The following FSTL5 variants were observed in gnomAD, a reference collection of about 807,000 sequenced individuals.
FSTL5 encodes the protein follistatin-related protein 5.
In FSTL5, 62 loss-of-function variants were observed where a neutral mutation model predicts 89.1. The ratio of observed to expected loss-of-function variants is 0.70; its 90% CI spans 0.57 to 0.86. FSTL5 has a LOEUF of 0.86. Among genes scored for constraint, FSTL5 ranks in the 40% least tolerant of loss-of-function variants. The pLI, the probability that FSTL5 is intolerant of heterozygous loss-of-function variation, is 0.00. For missense variants in FSTL5, 1,057 were observed against 1,001.6 expected (o/e 1.06, Z -0.75); for synonymous variants, 383 against 346.2 (o/e 1.11, Z -1.18).
chr4:161,530,293 A>G (rs1731364218), intron 10 of FSTL5, among the ~76,000 whole-genome samples: 1 of 142,022 alleles, frequency 7.0e-6, no homozygotes, highest in Non-Finnish European at 1.5e-5. Context: ...TTTTCAAGAT[A>G]GTTGGAAACA....
intron 4 of FSTL5, among the ~76,000 whole-genome samples, chr4:161,813,169 G>A (rs1415809048): frequency 6.6e-6 from 1 of 151,994 alleles, no homozygotes; most frequent in Non-Finnish European, 1.5e-5. Context: ...TGGGACTACA[G>A]GCGCGTGCTA....
At chr4:161,394,339 A>C (rs1212426326) in intron 15 of FSTL5, among the ~76,000 whole-genome samples, 1 of 152,140 alleles carries the variant, frequency 6.6e-6, no homozygotes, top group East Asian at 1.9e-4. Context: ...GCAGTGGCAC[A>C]ATCTTGGCTT....
chr4:162,054,034 A>T (rs936417371), intron 2 of FSTL5, among the ~76,000 whole-genome samples: 1 of 151,816 alleles, frequency 6.6e-6, no homozygotes, highest in Non-Finnish European at 1.5e-5. Flanking sequence ...TATAAAATAG[A>T]TGCAAAATTG....
chr4:161,621,408 G>A (rs1238119691), intron 7 of FSTL5, among the ~76,000 whole-genome samples: 2 of 151,868 alleles, frequency 1.3e-5, no homozygotes, highest in Non-Finnish European at 2.9e-5. Flanking sequence ...TATTTAAGCA[G>A]CAGCTAATAC....
intron 7 of FSTL5, among the ~76,000 whole-genome samples, chr4:161,599,292 A>G (rs2126622002): frequency 6.6e-6 from 1 of 152,262 alleles, no homozygotes; most frequent in Admixed American, 6.5e-5. Context: ...TAAAATGCCT[A>G]ATCCCAAGTG....
chr4:161,947,660 C>G (rs892007637), intron 3 of FSTL5, among the ~76,000 whole-genome samples: 1 of 151,884 alleles, frequency 6.6e-6, no homozygotes, highest in Non-Finnish European at 1.5e-5. Context: ...AAATCATTTT[C>G]TTTTATTTCT....
At chr4:161,414,160 A>G (rs1178690621) in intron 15 of FSTL5, among the ~76,000 whole-genome samples, 2 of 152,364 alleles carry the variant, frequency 1.3e-5, no homozygotes, top group East Asian at 1.9e-4. Flanking sequence ...TTAATTTTAA[A>G]TATTAATTAA....
intron 3 of FSTL5, among the ~76,000 whole-genome samples, chr4:162,019,300 T>C (rs1737003297): frequency 6.6e-6 from 1 of 152,064 alleles, no homozygotes; most frequent in Non-Finnish European, 1.5e-5. Flanking sequence ...TACCAACTCA[T>C]TTTTCAATTC....
chr4:161,911,031 T>C (rs374003252), intron 4 of FSTL5, among the ~76,000 whole-genome samples: 10 of 152,152 alleles, frequency 6.6e-5, no homozygotes, highest in African/African-American at 2.4e-4. Context: ...GCCTGTGAAC[T>C]TCAAATCACA....
intron 3 of FSTL5, among the ~76,000 whole-genome samples, chr4:162,006,525 A>T (rs1014311370): frequency 1.3e-5 from 2 of 151,972 alleles, no homozygotes; most frequent in African/African-American, 2.4e-5. Flanking sequence ...TACAGGTAAA[A>T]CAAATTTGTC....
chr4:161,565,396 T>C (rs1230946388), intron 8 of FSTL5, among the ~76,000 whole-genome samples: 2 of 151,942 alleles, frequency 1.3e-5, no homozygotes, highest in Admixed American at 1.3e-4. Context: ...AATAAATATA[T>C]TGAAATAAAT....
chr4:161,932,223 T>C (rs1050505183), intron 3 of FSTL5, among the ~76,000 whole-genome samples: 2 of 152,034 alleles, frequency 1.3e-5, no homozygotes, highest in Non-Finnish European at 2.9e-5. Flanking sequence ...AATAATTAAG[T>C]CCAACATATT....
At chr4:161,690,439 C>T (rs1387021311) in intron 6 of FSTL5, among the ~76,000 whole-genome samples, 2 of 151,946 alleles carry the variant, frequency 1.3e-5, no homozygotes, top group East Asian at 3.9e-4. Context: ...TGCTTGTTGA[C>T]TATTTGCATG....
chr4:161,570,651 G>C (rs1732973041), intron 8 of FSTL5, among the ~76,000 whole-genome samples: 1 of 152,168 alleles, frequency 6.6e-6, no homozygotes. Flanking sequence ...ATAGTTCAGA[G>C]ATCTTTATCA....
intron 2 of FSTL5, among the ~76,000 whole-genome samples, chr4:162,095,277 T>C (rs894980081): frequency 1.7e-4 from 26 of 152,226 alleles, no homozygotes; most frequent in African/African-American, 5.5e-4. Flanking sequence ...CAAATTGTGT[T>C]TCCCAGAATA....
At position 162,026,304 on chromosome 4, in the gene FSTL5, C is replaced by CTTTTTTTTTTTTTTTTTTT. The variant is rs397996028; in HGVS notation, c.160+7320_160+7321insAAAAAAAAAAAAAAAAAAA. On this transcript the variant is annotated intron_variant, in intron 3 of 15. Transcript: ENST00000306100. ...TTTCAGGAGACAGCTTATGTATTTT[C>CTTTTTTTTTTTTTTTTTTT]TTTTTTTTTTTTTTTCTTTTTGAGA... 9.6e-4 allele frequency among the ~76,000 whole-genome samples: 76 copies of CTTTTTTTTTTTTTTTTTTT among 79,480 alleles called. 20 individuals are homozygous for CTTTTTTTTTTTTTTTTTTT. Among genetic ancestry groups the CTTTTTTTTTTTTTTTTTTT allele is most frequent in the African/African-American group, 1.4e-3 (29 of 20,420 alleles). 52.1% of individuals were successfully genotyped at this position (79,480 alleles called of 152,430 possible). A position where few individuals can be genotyped will look rare whatever the true frequency, so the allele number is the denominator to read the frequency against.
chr4:161,761,061 A>G (rs1222325308), intron 5 of FSTL5, among the ~76,000 whole-genome samples: 1 of 152,166 alleles, frequency 6.6e-6, no homozygotes, highest in Non-Finnish European at 1.5e-5. Flanking sequence ...ATTTTTGTGT[A>G]TGTATCAGTG....
intron 3 of FSTL5, among the ~76,000 whole-genome samples, chr4:161,948,637 G>A (rs1010126812): frequency 6.6e-6 from 1 of 151,564 alleles, no homozygotes; most frequent in African/African-American, 2.4e-5. Flanking sequence ...TAGTAGAGAT[G>A]GGGTTTCACC....
intron 3 of FSTL5, among the ~76,000 whole-genome samples, chr4:161,946,897 CTT>C (rs1423149949): frequency 6.6e-6 from 1 of 152,092 alleles, no homozygotes; most frequent in Non-Finnish European, 1.5e-5. Context: ...CTTGCCATCT[CTT>C]TTGATTTTAG....
Sources: allele counts gnomAD v4.1 joint callset (sites outside exome capture counted in the v4.1 genomes callset), GRCh38; gene constraint gnomAD v4.1.1; transcripts MANE v1.5; gene names NCBI Gene and HGNC (gene_info 2026-07-23, HGNC 2026-07-21).